The following VAV2 variants were observed in gnomAD, a reference collection of about 807,000 sequenced individuals.
The protein encoded by VAV2 is guanine nucleotide exchange factor VAV2.
In VAV2, 67 loss-of-function variants were observed where a neutral mutation model predicts 132.5. That is an observed-to-expected ratio of 0.51 (90% CI 0.42 to 0.62). The LOEUF is 0.62. VAV2 is among the 20% of genes least tolerant of loss of function. The probability of loss-of-function intolerance (pLI) is 0.00; values close to 1 mark genes in which losing one functional copy is unlikely to be tolerated. For missense variants in VAV2, 938 were observed against 1,153.6 expected (o/e 0.81, Z 2.71); for synonymous variants, 492 against 443.5 (o/e 1.11, Z -1.37).
chr9:133,933,880 TGAATGATGGATGGATG>T (rs1840791712), intron 2 of VAV2, among the ~76,000 whole-genome samples: 1 of 97,448 alleles, frequency 1.0e-5, no homozygotes, highest in Non-Finnish European at 2.2e-5. Context: ...GATGGATGGA[TGAATGATGGATGGATG>T]GATGGGTGGA....
rs532127080 is a variant in VAV2 at position 133,969,473 on chromosome 9, G to A, written c.204+22602C>T. ...CAAACCTGGACACCAACCAGCATCA[G>A]CACCACTGAGACAAGAAGCCTGAGG... On this transcript the variant is annotated intron_variant, in intron 1 of 29. Transcript: ENST00000371850. The surrounding 1 kb of genome is among the most constrained non-coding windows in gnomAD (Gnocchi z 5.1). Among the ~76,000 whole-genome samples the A allele has an allele frequency of 6.6e-6, 1 of 152,088 alleles. No homozygotes were observed. The highest frequency in any genetic ancestry group is 1.9e-4 in the East Asian group (1 of 5,154).
chr9:133,796,618 C>T lies in VAV2; in HGVS notation c.937-94G>A. 5.2e-6 allele frequency: 6 copies of T among 1,163,414 alleles called. No homozygotes were observed. The South Asian group carries it at 8.6e-5, about 17-fold the overall frequency. The allele number at this position is 1,163,414 out of a possible 1,614,324, so 72.1% of individuals were successfully genotyped here. On this transcript the variant is annotated intron_variant, in intron 10 of 29. Transcript: ENST00000371850. ...CGCCCACAGAGAGGGGAGACCTAAGCCCAGAACTCAGGCCCAGACGTTTGG... is the reference window on the plus strand; with the variant it reads ...CGCCCACAGAGAGGGGAGACCTAAGTCCAGAACTCAGGCCCAGACGTTTGG...
intron 1 of VAV2, among the ~76,000 whole-genome samples, chr9:133,988,838 C>A (rs1469354249): frequency 6.6e-6 from 1 of 151,638 alleles, no homozygotes; most frequent in South Asian, 2.1e-4. Context: ...GAGGCCGAGG[C>A]GGGCAGATCA....
chr9:133,828,181 T>C (rs367598360), intron 4 of VAV2, among the ~76,000 whole-genome samples: 868 of 33,370 alleles, frequency 0.026, 130 homozygotes, highest in African/African-American at 0.16. Flanking sequence ...CGCCAGCTAC[T>C]GCTGTGCCCA....
chr9:133,942,766 T>C (rs56766962), intron 1 of VAV2, among the ~76,000 whole-genome samples: 4,235 of 152,170 alleles, frequency 0.028, 180 homozygotes, highest in African/African-American at 0.084. Context: ...GCCCCACCCG[T>C]GGCCACTCTG....
chr9:133,774,806 T>C (rs781497247), intron 25 of VAV2, 129 bp downstream of exon 25: 92 of 822,270 alleles, frequency 1.1e-4, no homozygotes, highest in Middle Eastern at 2.3e-4. Context: ...ATCTCAATAA[T>C]GTCCTCACTT....
chr9:133,778,771 C>T lies in VAV2; in HGVS notation c.1881G>A (p.Pro627=), dbSNP rs548370110. The T allele has an allele frequency of 1.5e-5, 24 of 1,612,712 alleles. No homozygotes were observed. The African/African-American group carries it at 2.0e-4, about 13-fold the overall frequency. Residue 627 remains proline (P), a synonymous_variant, in exon 22 of 30, where the codon CCG becomes CCA. Transcript: ENST00000371850. ...LELLRGDPES[P]WWEGRLVQTR... is the part of the protein sequence containing the mutation. ...GGGCCCCAGGACCCACCTCCCACCA[C>T]GGAGACTCAGGGTCGCCCCTCAGCA... is the stretch of plus-strand genomic sequence containing the variant.
intron 20 of VAV2, 106 bp from the exon 21 acceptor site, chr9:133,780,045 GA>G: frequency 6.7e-7 from 1 of 1,496,238 alleles, no homozygotes; most frequent in Non-Finnish European, 9.2e-7. Context: ...TTCCTAGATA[GA>G]GGGGTCAAGG....
chr9:133,943,822 C>A (rs1841261974), intron 1 of VAV2, among the ~76,000 whole-genome samples: 1 of 152,256 alleles, frequency 6.6e-6, no homozygotes, highest in African/African-American at 2.4e-5. Flanking sequence ...CTGGAAACGT[C>A]AGCCCCTTTC....
intron 2 of VAV2, among the ~76,000 whole-genome samples, chr9:133,877,415 T>C (rs1446076916): frequency 4.6e-5 from 7 of 152,300 alleles, no homozygotes; most frequent in African/African-American, 2.4e-5. Flanking sequence ...AGGAACCTTC[T>C]TGGAAGAGCC....
chr9:133,772,142 G>C, intron 25 of VAV2, 96 bp from the exon 26 acceptor site: 1 of 1,081,052 alleles, frequency 9.3e-7, no homozygotes, highest in Non-Finnish European at 1.4e-6. Context: ...CTGCAGCAAA[G>C]CCCCTCGTCC....
chr9:133,789,705 G>A (rs890415990), intron 13 of VAV2, among the ~76,000 whole-genome samples: 4 of 148,318 alleles, frequency 2.7e-5, no homozygotes, highest in Admixed American at 6.7e-5. Flanking sequence ...CAAGCCCCAC[G>A]TTCAGGAGAG....
intron 4 of VAV2, among the ~76,000 whole-genome samples, chr9:133,821,537 G>A (rs1164489258): frequency 1.3e-5 from 2 of 152,186 alleles, no homozygotes; most frequent in Admixed American, 6.5e-5. Flanking sequence ...CAATAAGTGG[G>A]AGCATGGCCT....
chr9:133,819,219 C>T (rs993352662), intron 4 of VAV2, among the ~76,000 whole-genome samples: 9 of 151,828 alleles, frequency 5.9e-5, no homozygotes, highest in Admixed American at 2.6e-4. Flanking sequence ...CCGAGGTGGG[C>T]GGATCACGAG....
chr9:133,932,444 GA>G (rs1840720795), intron 2 of VAV2, among the ~76,000 whole-genome samples: 1 of 152,082 alleles, frequency 6.6e-6, no homozygotes, highest in South Asian at 2.1e-4. Context: ...GCAACCCTTT[GA>G]AAAAAATACC....
intron 3 of VAV2, among the ~76,000 whole-genome samples, chr9:133,852,650 T>C (rs1028194382): frequency 1.3e-5 from 2 of 152,138 alleles, no homozygotes; most frequent in Non-Finnish European, 2.9e-5. Context: ...CACGCCCCCC[T>C]GCCAGGCTGC....
chr9:133,778,189 TCCCCGGGATGAAC>T (rs1833882846), intron 22 of VAV2, among the ~76,000 whole-genome samples: 2 of 81,248 alleles, frequency 2.5e-5, no homozygotes, highest in South Asian at 2.8e-4. Flanking sequence ...CCCACAAAGG[TCCCCGGGATGAAC>T]GCCCACAAAG....
chr9:133,825,410 C>T (rs915760781), intron 4 of VAV2, among the ~76,000 whole-genome samples: 1 of 151,862 alleles, frequency 6.6e-6, no homozygotes, highest in Admixed American at 6.6e-5. Context: ...TGCCTGGGGC[C>T]GGGGGCTGTC....
rs959327903 is a variant in VAV2, at chr9:133,910,415, A to G, written c.321+28688T>C. ...ATGGAGGCACTGGACTGAAGGGGGC[A>G]CCGTGCGGTGGGCTCTCTCATGTAA... is the stretch of plus-strand genomic sequence containing the variant. On this transcript the variant is annotated intron_variant, in intron 2 of 29. Transcript: ENST00000371850. Among the ~76,000 whole-genome samples, 6 of 152,148 alleles carry G rather than the reference A, an allele frequency of 3.9e-5. No individual in the cohort carries two copies. The South Asian group carries it at 1.2e-3, about 32-fold the overall frequency.
Sources: gnomAD v4.1 joint callset for allele counts (sites outside exome capture counted in the v4.1 genomes callset) on GRCh38, gnomAD v4.1.1 for gene constraint, Gnocchi (gnomAD v3.1) non-coding constraint, MANE v1.5 for transcripts, NCBI Gene and HGNC (gene_info 2026-07-23, HGNC 2026-07-21) for gene names.